Variants in TENM4 observed in about 807,000 individuals in gnomAD.
TENM4 encodes the protein teneurin transmembrane protein 4.
TENM4 carries 82 observed loss-of-function variants against 243.3 expected under a neutral mutation model. The ratio of observed to expected loss-of-function variants is 0.34; its 90% CI spans 0.28 to 0.40. The LOEUF (loss-of-function observed/expected upper bound fraction) is 0.40, where lower values mean the gene tolerates loss of function less well. TENM4 is among the 10% of genes least tolerant of loss of function. The probability of loss-of-function intolerance (pLI) is 1.00; values close to 1 mark genes in which losing one functional copy is unlikely to be tolerated. For missense variants in TENM4, 3,138 were observed against 3,673.3 expected (o/e 0.85, Z 3.77); for synonymous variants, 1,412 against 1,456.3 (o/e 0.97, Z 0.69).
At chr11:79,114,116 T>C (rs1375520994) in intron 4 of TENM4, among the ~76,000 whole-genome samples, 1 of 152,134 alleles carries the variant, frequency 6.6e-6, no homozygotes, top group Admixed American at 6.5e-5. Context: ...CTGCCAACCC[T>C]GTACCACCAA....
chr11:78,729,567 T>C lies in TENM4; in HGVS notation c.3215A>G (p.Lys1072Arg). 1.2e-6 allele frequency: 2 copies of C among 1,613,882 alleles called. No homozygotes were observed. The highest frequency in any genetic ancestry group is 1.7e-6 in the Non-Finnish European group (2 of 1,179,856). The change falls in exon 22 of 34, where the codon AAA becomes AGA. Residue 1072 changes from lysine to arginine, a missense_variant. Coordinates refer to ENST00000278550, the MANE Select transcript of TENM4 (RefSeq NM_001098816.3). ...SYLSSRTPGY[K>R]SVLRISLTHP... Reference sequence around the variant, plus strand: ...GGTGAGGCTGATCCTCAGGACAGATTTGTAGCCAGGGGTCCGGCTGCTCAG... The same window carrying C: ...GGTGAGGCTGATCCTCAGGACAGATCTGTAGCCAGGGGTCCGGCTGCTCAG...
intron 2 of TENM4, among the ~76,000 whole-genome samples, chr11:79,293,787 C>T (rs957958594): frequency 6.6e-6 from 1 of 152,178 alleles, no homozygotes; most frequent in African/African-American, 2.4e-5. Flanking sequence ...GTTTGGACCC[C>T]GTTCTGAGCC....
chr11:78,716,588 G>T lies in TENM4; in HGVS notation c.3821+3782C>A, dbSNP rs549155562. On this transcript the variant is annotated intron_variant, in intron 25 of 33. Transcript: ENST00000278550. ...CACTGCTAACAATCTTAGAGTGATG[G>T]TTCTCAAACATGGCTACACATCAGA... Among the ~76,000 whole-genome samples, 17 of 152,268 alleles carry T rather than the reference G, an allele frequency of 1.1e-4. No homozygotes were observed. The East Asian group carries it at 2.9e-3, about 26-fold the overall frequency.
chr11:78,950,641 T>C (rs1198998396), intron 6 of TENM4, among the ~76,000 whole-genome samples: 1 of 152,204 alleles, frequency 6.6e-6, no homozygotes, highest in Non-Finnish European at 1.5e-5. Flanking sequence ...ACAACAATGA[T>C]AGAAATTTCC....
chr11:79,360,408 G>A (rs924136114), intron 1 of TENM4, among the ~76,000 whole-genome samples: 2 of 152,198 alleles, frequency 1.3e-5, no homozygotes, highest in Non-Finnish European at 2.9e-5. Flanking sequence ...CAGGATCAGC[G>A]TGTTGATTCT....
At chr11:79,121,202 T>C (rs1456275448) in intron 4 of TENM4, among the ~76,000 whole-genome samples, 1 of 50,428 alleles carries the variant, frequency 2.0e-5, no homozygotes, top group African/African-American at 4.2e-5. Context: ...GGCTTTCTTG[T>C]TTACATAGGC....
chr11:79,254,282 C>G (rs1045614845), intron 2 of TENM4, among the ~76,000 whole-genome samples: 1 of 152,074 alleles, frequency 6.6e-6, no homozygotes, highest in African/African-American at 2.4e-5. Context: ...CTGAGGTAAA[C>G]GATGTATGGC....
intron 2 of TENM4, among the ~76,000 whole-genome samples, chr11:79,296,119 T>C (rs1220767580): frequency 2.0e-5 from 3 of 152,144 alleles, no homozygotes; most frequent in African/African-American, 7.2e-5. Context: ...ATTCCAGACA[T>C]TGAGGGAACC....
chr11:79,392,682 C>A (rs1858260981), intron 1 of TENM4, among the ~76,000 whole-genome samples: 1 of 152,232 alleles, frequency 6.6e-6, no homozygotes, highest in Non-Finnish European at 1.5e-5. Context: ...CTAATCTCTG[C>A]TATCTACTTG....
intron 18 of TENM4, among the ~76,000 whole-genome samples, chr11:78,762,459 TG>T (rs1269271942): frequency 6.6e-6 from 1 of 152,222 alleles, no homozygotes. Flanking sequence ...TCTGGGGATT[TG>T]CAGATTGGGG....
chr11:78,967,527 T>A (rs619416), intron 6 of TENM4, among the ~76,000 whole-genome samples: 68,557 of 151,990 alleles, frequency 0.45, 16,342 homozygotes, highest in African/African-American at 0.6. Flanking sequence ...AACATAAGGC[T>A]CCTGCTCAGT....
At chr11:78,773,442 T>C (rs765585896) in intron 17 of TENM4, among the ~76,000 whole-genome samples, 43 of 152,234 alleles carry the variant, frequency 2.8e-4, no homozygotes, top group Admixed American at 9.2e-4. Flanking sequence ...CTGAATCTTC[T>C]ACTCACCTTT....
intron 1 of TENM4, among the ~76,000 whole-genome samples, chr11:79,325,203 G>A (rs1856954174): frequency 2.0e-5 from 3 of 152,164 alleles, no homozygotes; most frequent in African/African-American, 7.2e-5. Flanking sequence ...TCTAACCTGG[G>A]CTGGAGGTGT....
At chr11:79,296,043 G>A (rs372445567) in intron 2 of TENM4, among the ~76,000 whole-genome samples, 13 of 151,938 alleles carry the variant, frequency 8.6e-5, no homozygotes, top group Admixed American at 2.0e-4. Context: ...GTCATAATTC[G>A]CAACATACAC....
chr11:78,821,084 A>G (rs1857715957), intron 12 of TENM4, among the ~76,000 whole-genome samples: 1 of 152,250 alleles, frequency 6.6e-6, no homozygotes, highest in Non-Finnish European at 1.5e-5. Flanking sequence ...CTGGGCTTGA[A>G]GCCAGTTCTG....
Position 79,302,734 on chromosome 11 carries a change from A to C in TENM4, c.-320-5191T>G, listed in dbSNP as rs1013104171. Among the ~76,000 whole-genome samples the C allele has an allele frequency of 1.9e-4, 29 of 152,212 alleles. 1 individual carries two copies. Reference sequence around the variant, plus strand: ...ATTCAGCATTTAGTTCACCGAATTAACTGAAATTGTATTTCCCCACTTTCC... The same window carrying C: ...ATTCAGCATTTAGTTCACCGAATTACCTGAAATTGTATTTCCCCACTTTCC... On this transcript the variant is annotated intron_variant, in intron 1 of 33. Transcript: ENST00000278550.
At chr11:79,185,467 C>G (rs1012354810) in intron 3 of TENM4, among the ~76,000 whole-genome samples, 2 of 152,190 alleles carry the variant, frequency 1.3e-5, no homozygotes, top group African/African-American at 4.8e-5. Context: ...TCTGAGGCAG[C>G]ATCCAACAGG....
rs577218605 is a variant in TENM4, at chr11:78,828,331, T to C, written c.1682-13936A>G. ...CCCAAAACAGCACTAACCATGTATT[T>C]GGGGGGCATGTAGTAATATCACTTT... On this transcript the variant is annotated intron_variant, in intron 12 of 33. Transcript: ENST00000278550. Among the ~76,000 whole-genome samples the C allele has an allele frequency of 3.3e-5, 5 of 152,296 alleles. No homozygotes were observed. In the East Asian group the frequency reaches 9.6e-4, roughly 29 times the overall value.
Position 78,732,337 on chromosome 11 carries a change from G to A in TENM4, c.3117C>T (p.Gly1039=). 6.2e-7 allele frequency: 1 copy of A among 1,608,204 alleles called. No homozygotes were observed. Among genetic ancestry groups the A allele is most frequent in the Non-Finnish European group, 8.5e-7 (1 of 1,175,448 alleles). Residue 1039 remains glycine (G), a synonymous_variant, in exon 21 of 34, where the codon GGC becomes GGT. Coordinates refer to ENST00000278550, the MANE Select transcript of TENM4 (RefSeq NM_001098816.3). ...GTACCTGAATTTCCGGCACAATGGG[G>A]CCTTTCTCTGCACAGGAGCTGGCGA... ...TSFASSCAEK[G]PIVPEIQALQ... is the part of the protein sequence containing the mutation.
Sources: gnomAD v4.1 joint callset for allele counts (sites outside exome capture counted in the v4.1 genomes callset) on GRCh38, gnomAD v4.1.1 for gene constraint, MANE v1.5 for transcripts, NCBI Gene and HGNC (gene_info 2026-07-23, HGNC 2026-07-21) for gene names.